The following USP16 variants were observed in gnomAD, a reference collection of about 807,000 sequenced individuals.
USP16 encodes the protein ubiquitin specific peptidase 16.
USP16 carries 77 observed loss-of-function variants against 95.9 expected under a neutral mutation model. That is an observed-to-expected ratio of 0.80 (90% CI 0.67 to 0.97). The LOEUF is 0.97. USP16 is among the 50% of genes least tolerant of loss of function. The pLI is 0.00. For missense variants in USP16, 943 were observed against 959.9 expected, an observed-to-expected ratio of 0.98 and a Z score of 0.23; for synonymous variants, 303 against 318.2, an observed-to-expected ratio of 0.95 and a Z score of 0.51.
intron 13 of USP16, 45 bp from the exon 14 acceptor site, chr21:29,046,622 T>C (rs1352887658): frequency 2.0e-6 from 3 of 1,536,878 alleles, no homozygotes; most frequent in South Asian, 1.3e-5. Flanking sequence ...TTTCTCCCGC[T>C]CTTTCTTTTT....
At chr21:29,039,647 A>G in intron 9 of USP16, 79 bp downstream of exon 9, 1 of 1,381,550 alleles carries the variant, frequency 7.2e-7, no homozygotes, top group Non-Finnish European at 9.8e-7. Flanking sequence ...TACGAGTTAA[A>G]ACAATGAAAG....
At chr21:29,034,462 G>C (rs1052580728) in intron 3 of USP16, among the ~76,000 whole-genome samples, 2 of 151,830 alleles carry the variant, frequency 1.3e-5, no homozygotes, top group African/African-American at 4.8e-5. Context: ...ACAGATGTGC[G>C]CCACCACACC....
Position 29,048,861 on chromosome 21 carries a change from C to G in USP16, c.2106+6C>G. The G allele has an allele frequency of 6.2e-7, 1 of 1,606,424 alleles. No homozygotes were observed. Among genetic ancestry groups the G allele is most frequent in the Non-Finnish European group, 8.5e-7 (1 of 1,176,224 alleles). ...ATTTAAAGAGATTTCAGCAGGTACT[C>G]CTTGTTACCCAAAATTTGTTTTAAA... On this transcript the variant is annotated splice_donor_region_variant and intron_variant, in intron 15 of 17. Coordinates refer to ENST00000399976, the MANE Select transcript of USP16 (RefSeq NM_006447.3).
chr21:29,039,256 A>G (rs2085208424), intron 8 of USP16, 100 bp downstream of exon 8: 1 of 1,191,112 alleles, frequency 8.4e-7, no homozygotes, highest in Non-Finnish European at 1.1e-6. Flanking sequence ...ATAGCATTAC[A>G]TTTAGTCAAC....
rs143845841 is a variant in USP16 at position 29,034,935 on chromosome 21, T to C, written c.339T>C (p.Ser113=). The C allele has an allele frequency of 1.6e-3, 2,534 of 1,612,356 alleles. 2 individuals are homozygous for C. Among genetic ancestry groups the C allele is most frequent in the Non-Finnish European group, 1.8e-3 (2,159 of 1,178,790 alleles). ...TGGTTCTTAGTTTGGACAACTGGAG[T>C]GTATGGTGAGTTTCAGTTCCTCTGC... The part of the protein sequence containing the change: ...HCLVLSLDNW[S]VWCYVCDNEV... The change falls in exon 4 of 18, where the codon AGT becomes AGC. Residue 113 remains serine, a synonymous_variant. Coordinates refer to ENST00000399976, the MANE Select transcript of USP16 (RefSeq NM_006447.3).
rs143780328 is a variant in USP16, at chr21:29,043,556, A to G, written c.1313A>G (p.His438Arg). 2.5e-6 allele frequency: 4 copies of G among 1,574,326 alleles called. No homozygotes were observed. The highest frequency in any genetic ancestry group is 2.6e-6 in the Non-Finnish European group (3 of 1,166,470). ...RSDIPSGTSK[H>R]LQKKAKKQAK... is the part of the protein sequence containing the mutation. ...GATATTCCTTCTGGAACAAGTAAGC[A>G]CTTACAGAAAAAAGCAAAGAAACAA... Residue 438 changes from histidine (H) to arginine (R), a missense_variant, in exon 13 of 18, where the codon CAC becomes CGC. By Grantham distance (29) the His-to-Arg change is conservative. Coordinates refer to ENST00000399976, the MANE Select transcript of USP16 (RefSeq NM_006447.3).
At position 29,039,091 on chromosome 21, in the gene USP16, T is replaced by C. The variant is rs1415848146; in HGVS notation, c.798T>C (p.Asn266=). 4 of 1,592,422 alleles carry C rather than the reference T, an allele frequency of 2.5e-6. No individual in the cohort carries two copies. Among genetic ancestry groups the C allele is most frequent in the Non-Finnish European group, 3.4e-6 (4 of 1,167,402 alleles). Residue 266 remains asparagine, a synonymous_variant, in exon 8 of 18, where the codon AAT becomes AAC. Transcript: ENST00000399976. ...CTTTAGCCATGAGCCAGTTTCTTAA[T>C]GAGATGCAAGAGACCAAAAAGGGGG... The part of the protein sequence containing the change: ...PLTLAMSQFL[N]EMQETKKGVV...
rs2085271106 is a variant in USP16 at position 29,043,269 on chromosome 21, A to ATAAACGAATTT, written c.1180-152_1180-142dup. The ATAAACGAATTT allele has an allele frequency of 7.8e-6, 4 of 514,670 alleles. No individual in the cohort carries two copies. The East Asian group carries it at 1.4e-4, about 19-fold the overall frequency. 31.9% of individuals were successfully genotyped at this position (514,670 alleles called of 1,614,324 possible). Reference sequence around the variant, plus strand: ...TGAAGATTGCTTTCTAGTGTATGAGATAAACGAATTTTGTCTCATCTATTT... The same window carrying ATAAACGAATTT: ...TGAAGATTGCTTTCTAGTGTATGAGATAAACGAATTTTAAACGAATTTTGTCTCATCTATTT... On this transcript the variant is annotated intron_variant, in intron 12 of 17. Coordinates refer to ENST00000399976, the MANE Select transcript of USP16 (RefSeq NM_006447.3).
At chr21:29,033,521 T>C (rs969812250) in intron 3 of USP16, among the ~76,000 whole-genome samples, 2 of 152,214 alleles carry the variant, frequency 1.3e-5, no homozygotes, top group Admixed American at 6.5e-5. Context: ...AGTGAAGATA[T>C]GTTTCTCAGC....
chr21:29,045,959 C>T (rs2085315902), intron 13 of USP16, among the ~76,000 whole-genome samples: 1 of 152,060 alleles, frequency 6.6e-6, no homozygotes, highest in Non-Finnish European at 1.5e-5. Context: ...GCGCGCACCA[C>T]CCATGTGTGC....
intron 3 of USP16, among the ~76,000 whole-genome samples, chr21:29,033,128 T>TTCAGTTTTCAGA (rs1330894695): frequency 6.6e-6 from 1 of 152,234 alleles, no homozygotes; most frequent in Non-Finnish European, 1.5e-5. Context: ...TTTCAGAATA[T>TTCAGTTTTCAGA]ATTTTGTGTT....
intron 5 of USP16, 147 bp from the exon 6 acceptor site, chr21:29,037,129 C>G: frequency 2.3e-6 from 1 of 435,354 alleles, no homozygotes; most frequent in Non-Finnish European, 3.8e-6. Flanking sequence ...GGCAATTTAC[C>G]TGTATCTATT....
chr21:29,029,988 A>G (rs1568882669), intron 2 of USP16, among the ~76,000 whole-genome samples: 1 of 152,200 alleles, frequency 6.6e-6, no homozygotes, highest in Non-Finnish European at 1.5e-5. Context: ...TTTAATTAAT[A>G]TCAGCAATTT....
At chr21:29,033,789 C>T (rs1012820046) in intron 3 of USP16, among the ~76,000 whole-genome samples, 12 of 152,080 alleles carry the variant, frequency 7.9e-5, no homozygotes, top group African/African-American at 2.9e-4. Context: ...GAATTCATGC[C>T]ATGTTTTATA....
intron 5 of USP16, among the ~76,000 whole-genome samples, 195 bp from the exon 6 acceptor site, chr21:29,037,081 A>G (rs1308191167): frequency 6.6e-6 from 1 of 152,042 alleles, no homozygotes; most frequent in Admixed American, 6.6e-5. Flanking sequence ...AGGTCTGAGT[A>G]TTTTTTGTTT....
chr21:29,052,152 A>G (rs528547258), intron 16 of USP16: 3 of 152,206 alleles, frequency 2.0e-5, no homozygotes, highest in Non-Finnish European at 4.4e-5. Flanking sequence ...TATGGGATCA[A>G]AAATTCTGCA....
intron 13 of USP16, among the ~76,000 whole-genome samples, chr21:29,044,979 G>T (rs993709698): frequency 6.6e-6 from 1 of 152,146 alleles, no homozygotes; most frequent in African/African-American, 2.4e-5. Context: ...CTTCACAAAG[G>T]TTGCTCCTGA....
intron 13 of USP16, 82 bp downstream of exon 13, chr21:29,043,681 G>A: frequency 7.9e-7 from 1 of 1,263,988 alleles, no homozygotes; most frequent in Non-Finnish European, 1.0e-6. Context: ...ACATTGGTTA[G>A]ACATGTCTGT....
intron 16 of USP16, 71 bp downstream of exon 16, chr21:29,050,249 C>A: frequency 7.4e-7 from 1 of 1,354,028 alleles, no homozygotes; most frequent in Non-Finnish European, 1.0e-6. Context: ...GCTCCAGTAG[C>A]AACTCACTTA....
Sources: gnomAD v4.1 joint callset for allele counts (sites outside exome capture counted in the v4.1 genomes callset) on GRCh38, gnomAD v4.1.1 for gene constraint, MANE v1.5 for transcripts, NCBI Gene and HGNC (gene_info 2026-07-23, HGNC 2026-07-21) for gene names.